Variants in KIZ observed in about 807,000 individuals in gnomAD.
KIZ encodes centrosomal protein kizuna.
Under a neutral mutation model 79.6 loss-of-function variants are expected in KIZ, and 68 were observed. The observed-to-expected ratio is 0.85, with a 90% CI of 0.70 to 1.05. KIZ has a LOEUF of 1.05. Among genes scored for constraint, KIZ ranks in the 50% least tolerant of loss-of-function variants. The pLI, the probability that KIZ is intolerant of heterozygous loss-of-function variation, is 0.00. For missense variants in KIZ, 797 were observed against 800.4 expected (o/e 1.00, Z 0.05); for synonymous variants, 280 against 281.8 (o/e 0.99, Z 0.06).
intron 2 of KIZ, chr20:21,133,223 A>C (rs547179959): frequency 6.6e-6 from 1 of 152,370 alleles, no homozygotes; most frequent in South Asian, 2.1e-4. Context: ...CCTTGTCTTC[A>C]AAATTATTCT....
chr20:21,201,486 G>A (rs956472893), intron 6 of KIZ, among the ~76,000 whole-genome samples: 1 of 151,886 alleles, frequency 6.6e-6, no homozygotes, highest in Non-Finnish European at 1.5e-5. Flanking sequence ...AAATTGAGTC[G>A]GCTTTGTATT....
chr20:21,155,890 A>G (rs969233867), intron 4 of KIZ, among the ~76,000 whole-genome samples: 1 of 152,114 alleles, frequency 6.6e-6, no homozygotes, highest in East Asian at 1.9e-4. Context: ...TGCTTTTTCT[A>G]TTAGCTTTAT....
At chr20:21,163,569 CT>C (rs2033797012) in intron 6 of KIZ, among the ~76,000 whole-genome samples, 4 of 152,282 alleles carry the variant, frequency 2.6e-5, no homozygotes, top group Middle Eastern at 6.8e-3. Flanking sequence ...AGTCTGAGAA[CT>C]TTATGTCTAA....
chr20:21,246,454 A>T, intron 12 of KIZ, 25 bp from the exon 13 acceptor site: 1 of 1,445,422 alleles, frequency 6.9e-7, no homozygotes, highest in Non-Finnish European at 9.7e-7. Context: ...AAAATGTTAA[A>T]TAACTGTCTG....
At chr20:21,193,184 G>A (rs915122403) in intron 6 of KIZ, among the ~76,000 whole-genome samples, 13 of 152,064 alleles carry the variant, frequency 8.5e-5, no homozygotes, top group Non-Finnish European at 7.4e-5. Context: ...TACTATTTAT[G>A]ATCAGAGATC....
At chr20:21,169,781 G>C (rs1044304769) in intron 6 of KIZ, among the ~76,000 whole-genome samples, 1 of 152,108 alleles carries the variant, frequency 6.6e-6, no homozygotes, top group African/African-American at 2.4e-5. Flanking sequence ...TCTTTTTAGT[G>C]TCTTGTCTTT....
intron 11 of KIZ, among the ~76,000 whole-genome samples, chr20:21,241,930 G>C (rs573782315): frequency 1.6e-4 from 25 of 151,780 alleles, no homozygotes; most frequent in Non-Finnish European, 2.8e-4. Context: ...AAAGAAACTT[G>C]ATTCTGAAGT....
chr20:21,166,148 A>ATTTTTTTT (rs34056823), intron 6 of KIZ: 84 of 668,500 alleles, frequency 1.3e-4, no homozygotes, highest in South Asian at 2.8e-4. Flanking sequence ...TGTATTTTGT[A>ATTTTTTTT]TTTTTTTTTT....
chr20:21,142,607 A>G (rs536431073), intron 3 of KIZ, among the ~76,000 whole-genome samples: 2 of 152,152 alleles, frequency 1.3e-5, no homozygotes, highest in East Asian at 1.9e-4. Flanking sequence ...CCTGGACAAC[A>G]TGATGAGAAC....
At chr20:21,187,153 T>C (rs979939829) in intron 6 of KIZ, among the ~76,000 whole-genome samples, 1 of 151,760 alleles carries the variant, frequency 6.6e-6, no homozygotes, top group Non-Finnish European at 1.5e-5. Context: ...AAATTCAAAA[T>C]CCAAATTCCC....
intron 9 of KIZ, among the ~76,000 whole-genome samples, chr20:21,222,477 C>G (rs2036530477): frequency 6.6e-6 from 1 of 152,116 alleles, no homozygotes; most frequent in Admixed American, 6.5e-5. Flanking sequence ...TTTGAAGCAC[C>G]CTCATTTTAC....
rs2035614821 is a variant in KIZ, at chr20:21,201,893, C to T, written c.1353-3598C>T. Among the ~76,000 whole-genome samples, 3 of 152,210 alleles carry T rather than the reference C, an allele frequency of 2.0e-5. No individual in the cohort carries two copies. The South Asian group carries it at 6.2e-4, about 31-fold the overall frequency. On this transcript the variant is annotated intron_variant, in intron 6 of 12. Coordinates refer to ENST00000619189, the MANE Select transcript of KIZ (RefSeq NM_018474.6). ...GAAGCCATGGCTGTTGCACTTCTTG[C>T]CTGATCTATCCCAAAAGAAATCTGC...
At chr20:21,185,276 A>G (rs2034826880) in intron 6 of KIZ, among the ~76,000 whole-genome samples, 1 of 152,092 alleles carries the variant, frequency 6.6e-6, no homozygotes, top group South Asian at 2.1e-4. Context: ...TTGTCAGTGT[A>G]AATTCATTTT....
chr20:21,187,208 G>A (rs1034735924), intron 6 of KIZ, among the ~76,000 whole-genome samples: 2 of 152,156 alleles, frequency 1.3e-5, no homozygotes, highest in South Asian at 2.1e-4. Context: ...GATCCTCTAA[G>A]GGTTCAACAG....
intron 6 of KIZ, among the ~76,000 whole-genome samples, chr20:21,174,154 T>C (rs1397725164): frequency 6.6e-6 from 1 of 152,234 alleles, no homozygotes; most frequent in Non-Finnish European, 1.5e-5. Flanking sequence ...ACTAACAGTC[T>C]GATGCCAGAA....
intron 6 of KIZ, among the ~76,000 whole-genome samples, chr20:21,167,503 T>C (rs1203614674): frequency 2.0e-5 from 3 of 152,032 alleles, no homozygotes; most frequent in African/African-American, 7.2e-5. Context: ...TGGTTGTGGC[T>C]ATCTACATTA....
intron 3 of KIZ, among the ~76,000 whole-genome samples, chr20:21,139,774 C>T (rs572684862): frequency 2.7e-4 from 41 of 151,854 alleles, no homozygotes; most frequent in African/African-American, 8.2e-4. Context: ...ACATGGGGGA[C>T]CATTTTAACA....
chr20:21,224,564 C>G (rs1032118500), intron 9 of KIZ, among the ~76,000 whole-genome samples: 1 of 152,232 alleles, frequency 6.6e-6, no homozygotes, highest in African/African-American at 2.4e-5. Flanking sequence ...CTTACTCAAA[C>G]ATACCCAGTT....
intron 3 of KIZ, among the ~76,000 whole-genome samples, chr20:21,140,578 G>A (rs1015377093): frequency 6.6e-6 from 1 of 152,080 alleles, no homozygotes; most frequent in African/African-American, 2.4e-5. Flanking sequence ...TAATTTTCAG[G>A]GCTTTTAAAG....
Sources: allele counts gnomAD v4.1 joint callset (sites outside exome capture counted in the v4.1 genomes callset), GRCh38; gene constraint gnomAD v4.1.1; transcripts MANE v1.5; gene names NCBI Gene and HGNC (gene_info 2026-07-23, HGNC 2026-07-21).